Variants in NCALD observed in about 807,000 individuals in gnomAD.
NCALD encodes neurocalcin-delta.
A neutral mutation model predicts 18.6 loss-of-function variants in NCALD; 10 were observed. The observed-to-expected ratio is 0.54, with a 90% CI of 0.33 to 0.91. NCALD has a LOEUF of 0.91. NCALD is among the 40% of genes least tolerant of loss of function. The pLI, the probability that NCALD is intolerant of heterozygous loss-of-function variation, is 0.03. For synonymous variants in NCALD, 88 were observed against 87.4 expected, an observed-to-expected ratio of 1.01 and a Z score of -0.04; for missense variants, 184 against 247.6, an observed-to-expected ratio of 0.74 and a Z score of 1.72.
chr8:101,865,594 C>T (rs764875468), intron 4 of NCALD, among the ~76,000 whole-genome samples: 14 of 151,008 alleles, frequency 9.3e-5, no homozygotes, highest in Non-Finnish European at 2.1e-4. Flanking sequence ...TTCCCTTTCT[C>T]CTCTCTCTCT....
chr8:102,004,421 G>A (rs1261884682), intron 2 of NCALD, among the ~76,000 whole-genome samples: 1 of 152,032 alleles, frequency 6.6e-6, no homozygotes, highest in African/African-American at 2.4e-5. Flanking sequence ...TCATGGGTAG[G>A]AAGAATCAAT....
At chr8:101,738,594 A>T (rs1243990341) in intron 1 of NCALD, among the ~76,000 whole-genome samples, 1 of 152,008 alleles carries the variant, frequency 6.6e-6, no homozygotes, top group Non-Finnish European at 1.5e-5. Flanking sequence ...AGAAAAAAAG[A>T]AAATATCACC....
intron 1 of NCALD, among the ~76,000 whole-genome samples, chr8:101,770,365 A>T (rs1811533361): frequency 2.0e-5 from 3 of 152,310 alleles, no homozygotes; most frequent in Admixed American, 2.0e-4. Context: ...TCAGCAAGAG[A>T]TGATGTTATA....
intron 4 of NCALD, among the ~76,000 whole-genome samples, chr8:101,812,904 C>T (rs1053226952): frequency 6.6e-6 from 1 of 152,126 alleles, no homozygotes; most frequent in Non-Finnish European, 1.5e-5. Context: ...TGAGCACATA[C>T]AAACACAATC....
At chr8:101,796,493 A>C (rs954915272) in intron 4 of NCALD, among the ~76,000 whole-genome samples, 1 of 152,226 alleles carries the variant, frequency 6.6e-6, no homozygotes. Context: ...TGAAATTTTA[A>C]AAAAGGAAAA....
intron 2 of NCALD, among the ~76,000 whole-genome samples, chr8:101,696,447 C>T (rs1303794402): frequency 1.3e-5 from 2 of 152,140 alleles, no homozygotes; most frequent in Admixed American, 1.3e-4. Flanking sequence ...ATGATGATTG[C>T]ACAAAGACGT....
chr8:101,957,289 G>GTTTTTTTTTTT (rs11305701), intron 2 of NCALD, among the ~76,000 whole-genome samples: 10 of 99,508 alleles, frequency 1.0e-4, no homozygotes, highest in African/African-American at 4.0e-4. Context: ...AAAAGTTGGG[G>GTTTTTTTTTTT]TTTTTTTTTT....
intron 4 of NCALD, among the ~76,000 whole-genome samples, chr8:101,886,507 T>G (rs55738565): frequency 2.0e-5 from 3 of 152,212 alleles, no homozygotes; most frequent in African/African-American, 7.2e-5. Context: ...TAACTTATTT[T>G]GAAAAGTTTC....
In NCALD at chr8:101,694,615, G is replaced by A. The variant is rs963202441; in HGVS notation, c.379-1719C>T. 2.0e-5 allele frequency among the ~76,000 whole-genome samples: 3 copies of A among 152,096 alleles called. No individual in the cohort carries two copies. The East Asian group carries it at 5.8e-4, about 29-fold the overall frequency. On this transcript the variant is annotated intron_variant, in intron 2 of 3. Coordinates refer to ENST00000220931, the MANE Select transcript of NCALD (RefSeq NM_032041.3). ...AGCGCAGAGTTAGGGTGCTGTCTAG[G>A]ATTATGGGTGTCCCTGGGGTAAGCT...
intron 1 of NCALD, among the ~76,000 whole-genome samples, chr8:102,031,946 G>C (rs1307272276): frequency 6.6e-6 from 1 of 152,144 alleles, no homozygotes; most frequent in Non-Finnish European, 1.5e-5. Flanking sequence ...ATGGCTTAGA[G>C]TACTAGAGTT....
At chr8:101,895,100 T>C (rs1451400899) in intron 3 of NCALD, among the ~76,000 whole-genome samples, 1 of 150,764 alleles carries the variant, frequency 6.6e-6, no homozygotes, top group Non-Finnish European at 1.5e-5. Context: ...TGAACATTGA[T>C]GCAAAAATCC....
chr8:102,114,239 C>T (rs1825718925), intron 1 of NCALD, among the ~76,000 whole-genome samples: 1 of 152,258 alleles, frequency 6.6e-6, no homozygotes, highest in African/African-American at 2.4e-5. Flanking sequence ...GTACTGCCTT[C>T]TGATCACCCA....
Position 101,888,603 on chromosome 8 carries a change from G to A in NCALD, c.-106-1376C>T, listed in dbSNP as rs182294112. 2.4e-3 allele frequency among the ~76,000 whole-genome samples: 357 copies of A among 151,590 alleles called. 1 individual carries two copies. Among genetic ancestry groups the A allele is most frequent in the Middle Eastern group, 0.017 (5 of 294 alleles). On this transcript the variant is annotated intron_variant, in intron 3 of 6. Transcript: ENST00000311028. ...TGGCTAACCTTTTTTTTTTAATAGA[G>A]ATGAGGGCTTGCTATGTTGCCCAGG...
chr8:101,823,045 T>C (rs1813785038), intron 4 of NCALD, among the ~76,000 whole-genome samples: 1 of 152,134 alleles, frequency 6.6e-6, no homozygotes, highest in Admixed American at 6.5e-5. Flanking sequence ...TAAAGTACAG[T>C]CTAATTGTTT....
intron 4 of NCALD, among the ~76,000 whole-genome samples, chr8:101,842,448 GCTTTT>G (rs1250231635): frequency 6.6e-6 from 1 of 152,220 alleles, no homozygotes; most frequent in Non-Finnish European, 1.5e-5. Context: ...ATAGAGCTTT[GCTTTT>G]ATCACTAACA....
At chr8:101,933,126 T>G (rs946252562) in intron 2 of NCALD, among the ~76,000 whole-genome samples, 1 of 152,198 alleles carries the variant, frequency 6.6e-6, no homozygotes, top group African/African-American at 2.4e-5. Context: ...TACCCTAACC[T>G]AGGATCGCTG....
At chr8:101,742,776 G>C (rs1010015506) in intron 1 of NCALD, among the ~76,000 whole-genome samples, 2 of 152,042 alleles carry the variant, frequency 1.3e-5, no homozygotes, top group African/African-American at 4.8e-5. Flanking sequence ...TATTGCCTAG[G>C]TATTAAGCCC....
At chr8:102,077,145 G>A (rs1016974344) in intron 1 of NCALD, among the ~76,000 whole-genome samples, 17 of 152,126 alleles carry the variant, frequency 1.1e-4, no homozygotes, top group African/African-American at 3.9e-4. Context: ...CTGGTGGAGG[G>A]GGTGGGGTGG....
At chr8:101,811,434 A>G (rs957509364) in intron 4 of NCALD, among the ~76,000 whole-genome samples, 2 of 152,176 alleles carry the variant, frequency 1.3e-5, no homozygotes, top group African/African-American at 4.8e-5. Flanking sequence ...AAGCCTGCCT[A>G]CACCTTAGCC....
Sources: allele counts gnomAD v4.1 joint callset (sites outside exome capture counted in the v4.1 genomes callset), GRCh38; gene constraint gnomAD v4.1.1; transcripts MANE v1.5; gene names NCBI Gene and HGNC (gene_info 2026-07-23, HGNC 2026-07-21).